DECR1: variants seen among roughly 807,000 people sequenced by gnomAD.
DECR1 encodes the protein 2,4-dienoyl-CoA reductase 1, also known as 2,4-dienoyl-CoA reductase [(3E)-enoyl-CoA-producing], mitochondrial.
Under a neutral mutation model 38.8 loss-of-function variants are expected in DECR1, and 44 were observed. The observed-to-expected ratio is 1.13, with a 90% CI of 0.89 to 1.46. DECR1 has a LOEUF of 1.46. Among genes scored for constraint, DECR1 ranks in the 40% most tolerant of loss-of-function variants. The probability of loss-of-function intolerance (pLI) is 0.00; values close to 1 mark genes in which losing one functional copy is unlikely to be tolerated. For synonymous variants in DECR1, 148 were observed against 135.2 expected (o/e 1.09, Z -0.66); for missense variants, 428 against 405.5 (o/e 1.06, Z -0.48).
chr8:90,017,838 A>G (rs1813047525), intron 2 of DECR1, among the ~76,000 whole-genome samples: 1 of 152,180 alleles, frequency 6.6e-6, no homozygotes, highest in African/African-American at 2.4e-5. Flanking sequence ...GCTTTAATTA[A>G]TAATTAACCT....
At chr8:90,040,561 G>A (rs1024916136) in intron 6 of DECR1, among the ~76,000 whole-genome samples, 1 of 152,136 alleles carries the variant, frequency 6.6e-6, no homozygotes, top group Non-Finnish European at 1.5e-5. Context: ...TGCCATGGTG[G>A]TTTGCAGCAC....
chr8:90,013,654 G>T (rs1812941482), intron 1 of DECR1, among the ~76,000 whole-genome samples: 1 of 152,050 alleles, frequency 6.6e-6, no homozygotes, highest in South Asian at 2.1e-4. Context: ...TGACTTTTAT[G>T]TGAATTCTTC....
At chr8:90,051,332 CGAGA>C (rs972833510) in intron 8 of DECR1, among the ~76,000 whole-genome samples, 2 of 150,498 alleles carry the variant, frequency 1.3e-5, no homozygotes, top group Admixed American at 6.6e-5. Context: ...AAAAGGGAGA[CGAGA>C]GAGAGAGAGA....
chr8:90,015,013 T>C (rs1222092670), intron 1 of DECR1, among the ~76,000 whole-genome samples: 1 of 152,180 alleles, frequency 6.6e-6, no homozygotes, highest in Non-Finnish European at 1.5e-5. Flanking sequence ...ATGACTGGCA[T>C]GGAGCATAAC....
chr8:90,010,939 A>G (rs1361257142), intron 1 of DECR1, among the ~76,000 whole-genome samples: 2 of 152,070 alleles, frequency 1.3e-5, no homozygotes, highest in East Asian at 3.9e-4. Flanking sequence ...TCTGTTAGCT[A>G]TTGTTAAAGA....
Position 90,052,823 on chromosome 8 carries a change from T to C in DECR1, c.*926T>C, listed in dbSNP as rs1407575910. ...GCCTATATTTTTAAAATGTCCATTT[T>C]GCTTTCCCAGGAGTCAGTTACAACA... On this transcript the variant is annotated 3_prime_UTR_variant, in exon 10 of 10. Transcript: ENST00000220764. Among the ~76,000 whole-genome samples the C allele has an allele frequency of 1.3e-5, 2 of 152,200 alleles. No individual in the cohort carries two copies. Among genetic ancestry groups the C allele is most frequent in the Non-Finnish European group, 2.9e-5 (2 of 68,030 alleles).
At chr8:90,049,580 G>A (rs1814012524) in intron 8 of DECR1, among the ~76,000 whole-genome samples, 2 of 151,884 alleles carry the variant, frequency 1.3e-5, no homozygotes, top group Admixed American at 6.6e-5. Flanking sequence ...AAGAATCAAT[G>A]TGTGAAAATG....
intron 6 of DECR1, among the ~76,000 whole-genome samples, chr8:90,040,154 T>C (rs1239963568): frequency 6.6e-6 from 1 of 152,136 alleles, no homozygotes; most frequent in Non-Finnish European, 1.5e-5. Context: ...TTTCATAGGA[T>C]AATATAGACT....
At chr8:90,003,797 G>C (rs1812675783) in intron 1 of DECR1, among the ~76,000 whole-genome samples, 1 of 151,918 alleles carries the variant, frequency 6.6e-6, no homozygotes, top group Admixed American at 6.6e-5. Context: ...AAAATTACTG[G>C]GTGTGGTTTC....
chr8:90,016,887 T>C, intron 1 of DECR1: 1 of 428,482 alleles, frequency 2.3e-6, no homozygotes, highest in South Asian at 2.4e-5. Flanking sequence ...TCAAATAACC[T>C]GCTGAAAGTT....
intron 6 of DECR1, among the ~76,000 whole-genome samples, chr8:90,040,781 C>T (rs1247757052): frequency 6.6e-6 from 1 of 152,114 alleles, no homozygotes; most frequent in Admixed American, 6.6e-5. Flanking sequence ...GCTTCATCCA[C>T]ATCCCTGCAA....
intron 5 of DECR1, 30 bp from the exon 6 acceptor site, chr8:90,036,811 C>A: frequency 7.0e-7 from 1 of 1,430,404 alleles, no homozygotes. Context: ...ATCTATATTG[C>A]TAATCAACTG....
intron 1 of DECR1, among the ~76,000 whole-genome samples, chr8:90,016,051 G>T (rs191612505): frequency 6.6e-6 from 1 of 152,272 alleles, no homozygotes; most frequent in Admixed American, 6.5e-5. Context: ...AAATGCGAGA[G>T]AATGGCAGTG....
chr8:90,003,811 C>T (rs567200207), intron 1 of DECR1, among the ~76,000 whole-genome samples: 13 of 151,956 alleles, frequency 8.6e-5, no homozygotes, highest in East Asian at 1.9e-4. Flanking sequence ...TGGTTTCACA[C>T]GCCTGTAGTC....
At chr8:90,038,300 CCTTT>C (rs1813664567) in intron 6 of DECR1, among the ~76,000 whole-genome samples, 2 of 152,056 alleles carry the variant, frequency 1.3e-5, no homozygotes, top group Non-Finnish European at 2.9e-5. Flanking sequence ...TTGCTTACTT[CCTTT>C]GAGATGTTTT....
chr8:90,018,004 G>A (rs112798913), intron 2 of DECR1, among the ~76,000 whole-genome samples: 1 of 151,956 alleles, frequency 6.6e-6, no homozygotes, highest in Non-Finnish European at 1.5e-5. Context: ...CTCCTGCCTC[G>A]GCCTTCCGAG....
intron 8 of DECR1, among the ~76,000 whole-genome samples, chr8:90,047,501 G>A (rs529040733): frequency 2.6e-5 from 4 of 152,174 alleles, no homozygotes; most frequent in Non-Finnish European, 4.4e-5. Context: ...AAATATATTT[G>A]CACCCAATAC....
intron 5 of DECR1, among the ~76,000 whole-genome samples, chr8:90,032,290 T>C (rs1474557329): frequency 3.3e-5 from 5 of 152,274 alleles, no homozygotes; most frequent in African/African-American, 9.6e-5. Context: ...GATCCTTACA[T>C]AGGGACTGGT....
rs760262701 is a variant in DECR1 at position 90,021,021 on chromosome 8, T to C, written c.530T>C (p.Leu177Pro). ...IVLNGTAFVTLEIGKQLIKAQ... is the reference protein window; with the variant it reads ...IVLNGTAFVTPEIGKQLIKAQ... ...CTAAATGGCACAGCCTTCGTGACACTAGAAATTGGAAAACAACTAATTAAA... is the reference window on the plus strand; with the variant it reads ...CTAAATGGCACAGCCTTCGTGACACCAGAAATTGGAAAACAACTAATTAAA... Residue 177 changes from leucine (L) to proline (P), a missense_variant, in exon 5 of 10, where the codon CTA becomes CCA. By Grantham distance (98) the Leu-to-Pro change is moderately conservative. Coordinates refer to ENST00000220764, the MANE Select transcript of DECR1 (RefSeq NM_001359.2). 1 of 1,591,696 alleles carries C rather than the reference T, an allele frequency of 6.3e-7. No homozygotes were observed. The highest frequency in any genetic ancestry group is 1.2e-5 in the South Asian group (1 of 86,006).
Sources: allele counts gnomAD v4.1 joint callset (sites outside exome capture counted in the v4.1 genomes callset), GRCh38; gene constraint gnomAD v4.1.1; transcripts MANE v1.5; gene names NCBI Gene and HGNC (gene_info 2026-07-23, HGNC 2026-07-21).